Variants in ARHGAP32 observed in about 807,000 individuals in gnomAD.
ARHGAP32 encodes the protein rho GTPase-activating protein 32.
ARHGAP32 carries 51 observed loss-of-function variants against 186.5 expected under a neutral mutation model. The observed-to-expected ratio is 0.27, with a 90% CI of 0.22 to 0.35. ARHGAP32 has a LOEUF of 0.35. ARHGAP32 is among the 10% of genes least tolerant of loss of function. The pLI is 1.00. For synonymous variants in ARHGAP32, 950 were observed against 964.3 expected (o/e 0.99, Z 0.27); for missense variants, 2,186 against 2,623.5 (o/e 0.83, Z 3.64).
intron 2 of ARHGAP32, among the ~76,000 whole-genome samples, chr11:129,146,955 T>C (rs1363948934): frequency 6.6e-6 from 1 of 152,044 alleles, no homozygotes; most frequent in Non-Finnish European, 1.5e-5. Context: ...ATATTTCACT[T>C]AGATTATTAT....
At chr11:129,202,193 C>T in intron 1 of ARHGAP32, among the ~76,000 whole-genome samples, 1 of 152,038 alleles carries the variant, frequency 6.6e-6, no homozygotes, top group East Asian at 1.9e-4. Context: ...ATGATTTTTA[C>T]TTCCTTAAAC....
At chr11:129,101,253 C>A (rs1021287017) in intron 5 of ARHGAP32, among the ~76,000 whole-genome samples, 1 of 152,110 alleles carries the variant, frequency 6.6e-6, no homozygotes, top group Admixed American at 6.5e-5. Flanking sequence ...CATAAGCCCA[C>A]AAACATGAGA....
chr11:128,982,096 T>C (rs1945720102), intron 15 of ARHGAP32, among the ~76,000 whole-genome samples, 160 bp from the exon 16 acceptor site: 1 of 152,216 alleles, frequency 6.6e-6, no homozygotes, highest in Non-Finnish European at 1.5e-5. Context: ...GGTTGAAATA[T>C]TACTATTAGA....
intron 12 of ARHGAP32, among the ~76,000 whole-genome samples, chr11:128,995,658 G>A (rs913788096): frequency 6.6e-6 from 1 of 152,156 alleles, no homozygotes; most frequent in Non-Finnish European, 1.5e-5. Context: ...GGCCAACATG[G>A]CAAAATCCCA....
intron 2 of ARHGAP32, among the ~76,000 whole-genome samples, chr11:129,129,292 G>T (rs533755525): frequency 0.01 from 1,476 of 143,344 alleles, 33 homozygotes; most frequent in African/African-American, 0.036. Flanking sequence ...TCTGGGAAGT[G>T]AGGACCCCCT....
chr11:129,254,712 G>A (rs879699652), intron 1 of ARHGAP32, among the ~76,000 whole-genome samples: 14 of 151,976 alleles, frequency 9.2e-5, no homozygotes, highest in East Asian at 1.9e-4. Flanking sequence ...TGGCATCTAC[G>A]GAGCTGGTCA....
chr11:129,199,651 T>C (rs1686815109), intron 1 of ARHGAP32, among the ~76,000 whole-genome samples: 1 of 152,260 alleles, frequency 6.6e-6, no homozygotes, highest in East Asian at 1.9e-4. Flanking sequence ...GGCAGAAATC[T>C]GCTGCAGGGG....
chr11:128,978,901 T>C lies in ARHGAP32; in HGVS notation c.1991A>G (p.Asn664Ser). 1 of 1,605,722 alleles carries C rather than the reference T, an allele frequency of 6.2e-7. No individual in the cohort carries two copies. The highest frequency in any genetic ancestry group is 8.5e-7 in the Non-Finnish European group (1 of 1,177,430). ...EFPLERKRPQNKMKKSPVGSW... is the reference protein window; with the variant it reads ...EFPLERKRPQSKMKKSPVGSW... The stretch of plus-strand genomic sequence containing the variant: ...ACCCACAGGAGACTTTTTCATCTTA[T>C]TTTGAGGCCTCTTTCTATGAAAGAG... Residue 664 changes from asparagine to serine, a missense_variant, in exon 19 of 23, where the codon AAT becomes AGT. Around this residue, in one of 5 missense-constraint regions of ARHGAP32, gnomAD observed 263 missense variants for 323.5 expected, o/e 0.81. Coordinates refer to ENST00000682385, the MANE Select transcript of ARHGAP32 (RefSeq NM_001378024.1).
At chr11:128,998,537 A>G in intron 11 of ARHGAP32, 69 bp from the exon 12 acceptor site, 1 of 1,236,938 alleles carries the variant, frequency 8.1e-7, no homozygotes. Context: ...CATAAAAACA[A>G]ACATATCTCA....
chr11:128,985,311 C>T (rs1209575791), intron 15 of ARHGAP32, among the ~76,000 whole-genome samples: 2 of 152,200 alleles, frequency 1.3e-5, no homozygotes, highest in East Asian at 1.9e-4. Context: ...AGCCATGGCG[C>T]CTGGCCTATA....
At chr11:129,099,088 T>C (rs960740838) in intron 5 of ARHGAP32, among the ~76,000 whole-genome samples, 1 of 152,064 alleles carries the variant, frequency 6.6e-6, no homozygotes, top group Non-Finnish European at 1.5e-5. Flanking sequence ...AAAGAAAACA[T>C]ATAGAAAAAT....
intron 1 of ARHGAP32, among the ~76,000 whole-genome samples, chr11:129,197,751 T>G (rs1944411060): frequency 1.3e-5 from 2 of 152,214 alleles, no homozygotes; most frequent in African/African-American, 4.8e-5. Flanking sequence ...TTATTCATTT[T>G]TATACTATCT....
chr11:129,124,812 T>C lies in ARHGAP32; in HGVS notation c.308A>G (p.His103Arg). Reference protein sequence around the residue: ...CGSTASMKVKHVKKSTTPGLM... With the variant: ...CGSTASMKVKRVKKSTTPGLM... ...GTAAAGTTATACTCACTTTTTCACA[T>C]GCTTAACCTTCATACTGGCTGTACT... Residue 103 changes from histidine (H) to arginine (R), a missense_variant, in exon 3 of 23, where the codon CAT becomes CGT. Physicochemically the swap from His to Arg is conservative, Grantham distance 29. Coordinates refer to ENST00000682385, the MANE Select transcript of ARHGAP32 (RefSeq NM_001378024.1). 6.2e-7 allele frequency: 1 copy of C among 1,605,774 alleles called. No individual in the cohort carries two copies. The highest frequency in any genetic ancestry group is 1.7e-4 in the Middle Eastern group (1 of 6,042).
chr11:129,041,538 A>C (rs2155177), intron 10 of ARHGAP32, among the ~76,000 whole-genome samples: 41,687 of 151,448 alleles, frequency 0.28, 6,246 homozygotes, highest in Middle Eastern at 0.41. Flanking sequence ...GTGTAAAATA[A>C]TCTCTCATTT....
chr11:129,166,659 C>A lies in ARHGAP32; in HGVS notation c.117-2232G>T, dbSNP rs1943647553. On this transcript the variant is annotated intron_variant, in intron 1 of 22. Transcript: ENST00000682385. ...AGAATCTTCTGCCTCACCAAAGTAA[C>A]CATTTTGAAAGCAGGTAAAACAAAT... Among the ~76,000 whole-genome samples, 3 of 150,998 alleles carry A rather than the reference C, an allele frequency of 2.0e-5. No individual in the cohort carries two copies. In the South Asian group the frequency reaches 6.3e-4, roughly 32 times the overall value.
chr11:129,032,014 C>T (rs557037816), intron 11 of ARHGAP32, among the ~76,000 whole-genome samples: 1 of 152,272 alleles, frequency 6.6e-6, no homozygotes, highest in South Asian at 2.1e-4. Flanking sequence ...TCCAGCTCCC[C>T]ATCCCTCTGA....
intron 11 of ARHGAP32, among the ~76,000 whole-genome samples, chr11:129,040,617 G>A (rs1003042614): frequency 2.0e-5 from 3 of 151,944 alleles, no homozygotes; most frequent in Non-Finnish European, 2.9e-5. Context: ...TTCTATGTTA[G>A]TTCTTTAAAC....
At position 128,976,466 on chromosome 11, in the gene ARHGAP32, CTATT is replaced by C. The variant is rs1299592721; in HGVS notation, c.2194+93_2194+96del. ...TATTCCTAGGAAATGAGTTAATAGCCTATTTATTAAGCACAGATATATAAAAATA... is the reference window on the plus strand; with the variant it reads ...TATTCCTAGGAAATGAGTTAATAGCCTATTAAGCACAGATATATAAAAATA... On this transcript the variant is annotated intron_variant, in intron 20 of 22. Coordinates refer to ENST00000682385, the MANE Select transcript of ARHGAP32 (RefSeq NM_001378024.1). 1.9e-5 allele frequency: 19 copies of C among 975,208 alleles called. No individual in the cohort carries two copies. The East Asian group carries it at 4.1e-4, about 21-fold the overall frequency. The allele number at this position is 975,208 out of a possible 1,614,324, so 60.4% of individuals were successfully genotyped here.
intron 2 of ARHGAP32, among the ~76,000 whole-genome samples, chr11:129,158,508 T>C (rs1273131894): frequency 6.6e-6 from 1 of 151,010 alleles, no homozygotes; most frequent in Non-Finnish European, 1.5e-5. Flanking sequence ...AAGAAGAAGC[T>C]AACTATCCTA....
Sources: allele counts gnomAD v4.1 joint callset (sites outside exome capture counted in the v4.1 genomes callset), GRCh38; gene constraint gnomAD v4.1.1; regional missense constraint gnomAD v4.1.1; transcripts MANE v1.5; gene names NCBI Gene and HGNC (gene_info 2026-07-23, HGNC 2026-07-21).